The following SLC2A3 variants were observed in gnomAD, a reference collection of about 807,000 sequenced individuals.
SLC2A3 encodes the protein solute carrier family 2, facilitated glucose transporter member 3.
A neutral mutation model predicts 46.4 loss-of-function variants in SLC2A3; 21 were observed. The ratio of observed to expected loss-of-function variants is 0.45; its 90% CI spans 0.32 to 0.65. The LOEUF is 0.65. Among genes scored for constraint, SLC2A3 ranks in the 30% least tolerant of loss-of-function variants. The pLI is 0.04. For synonymous variants in SLC2A3, 213 were observed against 239.4 expected, an observed-to-expected ratio of 0.89 and a Z score of 1.02; for missense variants, 499 against 623.3, an observed-to-expected ratio of 0.80 and a Z score of 2.12.
At chr12:7,931,924 C>T (rs1946159971) in intron 3 of SLC2A3, among the ~76,000 whole-genome samples, 1 of 146,694 alleles carries the variant, frequency 6.8e-6, no homozygotes, top group African/African-American at 2.5e-5. Context: ...GTCTGTCACC[C>T]AGGCTGGAGT....
Position 7,933,144 on chromosome 12 carries a change from T to C in SLC2A3, c.112A>G (p.Ile38Val), listed in dbSNP as rs938107718. The C allele has an allele frequency of 1.9e-6, 3 of 1,613,900 alleles. No individual in the cohort carries two copies. The highest frequency in any genetic ancestry group is 2.5e-6 in the Non-Finnish European group (3 of 1,179,936). The change falls in exon 3 of 10, where the codon ATA becomes GTA. Residue 38 changes from isoleucine (I) to valine (V), a missense_variant. Ile to Val is a conservative substitution (Grantham distance 29, BLOSUM62 3). Around this residue, in one of 5 missense-constraint regions of SLC2A3, gnomAD observed 248 missense variants for 284.0 expected, o/e 0.87. Transcript: ENST00000075120. ...AAAGTTTTATTGATAAATTCCTTTA[T>C]GATCTGCAAAATAAAAGGGTTGGTG... ...TGVINAPEKIIKEFINKTLTD... is the reference protein window; with the variant it reads ...TGVINAPEKIVKEFINKTLTD...
intron 8 of SLC2A3, among the ~76,000 whole-genome samples, chr12:7,923,767 GATTT>G (rs1192037950): frequency 7.6e-6 from 1 of 131,694 alleles, no homozygotes; most frequent in East Asian, 2.6e-4. Flanking sequence ...GCCAGGATTG[GATTT>G]TTTTTTTTTT....
rs756251016 is a variant in SLC2A3, at chr12:7,925,877, C to T, written c.933G>A (p.Ala311=). ...VQEPIYATIG[A]GVVNTIFTVV... is the part of the protein sequence containing the mutation. ...CAGTGAAGATAGTATTAACCACACCCGCGCCGATGGTGGCATAGATGGGCT... is the reference window on the plus strand; with the variant it reads ...CAGTGAAGATAGTATTAACCACACCTGCGCCGATGGTGGCATAGATGGGCT... The change falls in exon 7 of 10, where the codon GCG becomes GCA. Residue 311 remains alanine (A), a synonymous_variant. Coordinates refer to ENST00000075120, the MANE Select transcript of SLC2A3 (RefSeq NM_006931.3). The T allele has an allele frequency of 8.7e-6, 14 of 1,613,678 alleles. No individual in the cohort carries two copies. The highest frequency in any genetic ancestry group is 1.7e-4 in the Middle Eastern group (1 of 5,966).
chr12:7,930,560 T>C lies in SLC2A3; in HGVS notation c.593A>G (p.Gln198Arg), dbSNP rs1946141243. Reference protein sequence around the residue: ...LGFTILPAILQSAALPFCPES... With the variant: ...LGFTILPAILRSAALPFCPES... ...AGGGCAAAATGGAAGGGCTGCACTT[T>C]GTAGGATAGCAGGAAGGATGGTAAA... is the stretch of plus-strand genomic sequence containing the variant. Residue 198 changes from glutamine (Q) to arginine (R), a missense_variant, in exon 5 of 10, where the codon CAA (glutamine) becomes CGA (arginine). Gln to Arg is a conservative substitution (Grantham distance 43). This residue lies in a region of SLC2A3 where 248 missense variants were observed against 284.0 expected (regional missense o/e 0.87). Transcript: ENST00000075120. The C allele has an allele frequency of 6.2e-7, 1 of 1,613,934 alleles. No homozygotes were observed. Among genetic ancestry groups the C allele is most frequent in the East Asian group, 2.2e-5 (1 of 44,880 alleles).
At chr12:7,932,712 A>T (rs993157881) in intron 3 of SLC2A3, 12 of 357,432 alleles carry the variant, frequency 3.4e-5, no homozygotes, top group Non-Finnish European at 5.0e-6. Flanking sequence ...CCCATAGTTG[A>T]GTTTACTAGG....
chr12:7,924,279 G>C, intron 8 of SLC2A3, 131 bp downstream of exon 8: 1 of 1,507,532 alleles, frequency 6.6e-7, no homozygotes, highest in Non-Finnish European at 9.0e-7. Flanking sequence ...CTTAAACTCT[G>C]GGCATCCTGC....
At chr12:7,923,658 C>T (rs920076592) in intron 8 of SLC2A3, among the ~76,000 whole-genome samples, 1 of 151,844 alleles carries the variant, frequency 6.6e-6, no homozygotes, top group Non-Finnish European at 1.5e-5. Context: ...AAGTTTCTTG[C>T]CATGTTGCGT....
At chr12:7,923,174 AT>A in intron 8 of SLC2A3, 150 bp from the exon 9 acceptor site, 2 of 812,720 alleles carry the variant, frequency 2.5e-6, no homozygotes, top group East Asian at 2.7e-5. Context: ...ATTTATTTTT[AT>A]TTTTATTTTT....
Position 7,921,651 on chromosome 12 carries a change from A to G in SLC2A3, c.1273-20T>C. 1 of 1,604,128 alleles carries G rather than the reference A, an allele frequency of 6.2e-7. No homozygotes were observed. The highest frequency in any genetic ancestry group is 8.5e-7 in the Non-Finnish European group (1 of 1,175,724). ...ATAGTGCTAGAGAAAGGACAGAAAA[A>G]AGGAAGGTTGATATAAAAATCTGGT... is the stretch of plus-strand genomic sequence containing the variant. On this transcript the variant is annotated intron_variant, in intron 9 of 9. Transcript: ENST00000075120.
In SLC2A3 at chr12:7,921,243, T is replaced by G. The variant is rs148642648; in HGVS notation, c.*170A>C. ...CCAGGAAATAAAATTTAAAAAGCCA[T>G]TGAAGATCCAACAAACCGCAGCCTT... is the stretch of plus-strand genomic sequence containing the variant. On this transcript the variant is annotated 3_prime_UTR_variant, in exon 10 of 10. Coordinates refer to ENST00000075120, the MANE Select transcript of SLC2A3 (RefSeq NM_006931.3). The G allele has an allele frequency of 1.6e-4, 217 of 1,335,058 alleles. No homozygotes were observed. In the African/African-American group the frequency reaches 2.6e-3, roughly 16 times the overall value. The allele number at this position is 1,335,058 out of a possible 1,614,324, so 82.7% of individuals were successfully genotyped here.
intron 2 of SLC2A3, chr12:7,933,474 C>T: frequency 2.2e-6 from 1 of 464,476 alleles, no homozygotes. Context: ...AAGAACAGCA[C>T]CGCCCAGCGT....
chr12:7,926,027 G>C (rs565268846), intron 6 of SLC2A3, 79 bp from the exon 7 acceptor site: 1 of 1,190,436 alleles, frequency 8.4e-7, no homozygotes, highest in Non-Finnish European at 1.2e-6. Flanking sequence ...AAACTTAAAA[G>C]TCCCAGTGGG....
chr12:7,932,904 A>G, intron 3 of SLC2A3, 83 bp downstream of exon 3: 1 of 1,557,100 alleles, frequency 6.4e-7, no homozygotes, highest in Non-Finnish European at 8.7e-7. Flanking sequence ...CAAAGGCATC[A>G]TCACCTCCCT....
intron 1 of SLC2A3, among the ~76,000 whole-genome samples, chr12:7,935,172 T>G (rs761294491): frequency 1.3e-5 from 2 of 152,242 alleles, no homozygotes; most frequent in South Asian, 2.1e-4. Flanking sequence ...ATGCCTTTCT[T>G]GCTGCGCGCA....
intron 5 of SLC2A3, 173 bp downstream of exon 5, chr12:7,930,307 T>C (rs1048536117): frequency 2.9e-6 from 2 of 685,604 alleles, no homozygotes; most frequent in Non-Finnish European, 4.7e-6. Context: ...TAAACCCGCC[T>C]TTTCACCTCA....
intron 2 of SLC2A3, 175 bp from the exon 3 acceptor site, chr12:7,933,322 T>C (rs1592358951): frequency 1.2e-6 from 1 of 824,700 alleles, no homozygotes; most frequent in East Asian, 2.7e-5. Flanking sequence ...GTAATTCTAT[T>C]TGTCCTGAAA....
rs1184218169 is a variant in SLC2A3 at position 7,933,059 on chromosome 12, G to A, written c.197C>T (p.Ser66Phe). The part of the protein sequence containing the change: ...EVLLTSLWSL[S>F]VAIFSVGGMI... ...ACCCCCGACGGAAAATATGGCCACA[G>A]ACAAGGACCAGAGAGACGTGAGCAG... The change falls in exon 3 of 10, where the codon TCT (serine) becomes TTT (phenylalanine). Residue 66 changes from serine (S) to phenylalanine (F), a missense_variant. Physicochemically the swap from Ser to Phe is radical, Grantham distance 155. This residue lies in a region of SLC2A3 where 248 missense variants were observed against 284.0 expected (regional missense o/e 0.87). Transcript: ENST00000075120. The A allele has an allele frequency of 1.9e-6, 3 of 1,613,994 alleles. No individual in the cohort carries two copies. Among genetic ancestry groups the A allele is most frequent in the Non-Finnish European group, 2.5e-6 (3 of 1,180,018 alleles).
intron 8 of SLC2A3, among the ~76,000 whole-genome samples, chr12:7,923,768 A>ATTTTTTT (rs59914158): frequency 0.028 from 3,768 of 135,402 alleles, 181 homozygotes; most frequent in East Asian, 0.2. Context: ...CCAGGATTGG[A>ATTTTTTT]TTTTTTTTTT....
intron 9 of SLC2A3, among the ~76,000 whole-genome samples, chr12:7,921,900 CTG>C (rs1164048852): frequency 3.3e-5 from 5 of 152,156 alleles, no homozygotes; most frequent in South Asian, 4.2e-4. Context: ...TTTTTAAAAT[CTG>C]TGTTTCTGGG....
Sources: gnomAD v4.1 joint callset for allele counts (sites outside exome capture counted in the v4.1 genomes callset) on GRCh38, gnomAD v4.1.1 for gene constraint, gnomAD v4.1.1 regional missense constraint, MANE v1.5 for transcripts, NCBI Gene and HGNC (gene_info 2026-07-23, HGNC 2026-07-21) for gene names.